Variants in TUSC3 observed in about 807,000 individuals in gnomAD.
TUSC3 encodes the protein tumor suppressor candidate 3, also known as dolichyl-diphosphooligosaccharide--protein glycosyltransferase subunit TUSC3.
Under a neutral mutation model 44.8 loss-of-function variants are expected in TUSC3, and 45 were observed. The ratio of observed to expected loss-of-function variants is 1.00; its 90% CI spans 0.79 to 1.29. TUSC3 has a LOEUF of 1.29. Among genes scored for constraint, TUSC3 ranks in the 50% most tolerant of loss-of-function variants. The pLI, the probability that TUSC3 is intolerant of heterozygous loss-of-function variation, is 0.00. For missense variants in TUSC3, 519 were observed against 437.9 expected (o/e 1.19, Z -1.65); for synonymous variants, 212 against 152.9 (o/e 1.39, Z -2.85).
At chr8:15,589,243 G>A (rs1317569977) in intron 1 of TUSC3, among the ~76,000 whole-genome samples, 1 of 152,114 alleles carries the variant, frequency 6.6e-6, no homozygotes, top group African/African-American at 2.4e-5. Context: ...CATACGTCCA[G>A]ATCTTGTGTT....
chr8:15,798,546 C>T, the TUSC3 span, among the ~76,000 whole-genome samples: 3 of 152,084 alleles, frequency 2.0e-5, no homozygotes, highest in Non-Finnish European at 4.4e-5. Flanking sequence ...TCTGTGTAAG[C>T]GACTTCACAT....
At chr8:15,575,494 G>A (rs912442840) in intron 1 of TUSC3, among the ~76,000 whole-genome samples, 2 of 152,128 alleles carry the variant, frequency 1.3e-5, no homozygotes, top group African/African-American at 4.8e-5. Context: ...GGCTGGGTAT[G>A]GTGGCTCACG....
intron 1 of TUSC3, among the ~76,000 whole-genome samples, chr8:15,473,137 C>G (rs1800518659): frequency 6.6e-6 from 1 of 152,136 alleles, no homozygotes; most frequent in South Asian, 2.1e-4. Flanking sequence ...ATAGTATGTG[C>G]TCAGCAAAAG....
At chr8:15,636,775 T>C (rs1014204687) in intron 2 of TUSC3, among the ~76,000 whole-genome samples, 1 of 152,230 alleles carries the variant, frequency 6.6e-6, no homozygotes, top group Middle Eastern at 3.2e-3. Context: ...GATTAACTTA[T>C]TTCAGTGCCT....
chr8:15,575,456 T>C (rs573289101), intron 1 of TUSC3, among the ~76,000 whole-genome samples: 28 of 152,278 alleles, frequency 1.8e-4, no homozygotes, highest in Middle Eastern at 3.4e-3. Context: ...GAGGATAATA[T>C]ATATTTTATT....
intron 2 of TUSC3, among the ~76,000 whole-genome samples, chr8:15,498,910 G>C (rs1158700658): frequency 2.6e-5 from 4 of 152,146 alleles, no homozygotes; most frequent in Non-Finnish European, 5.9e-5. Flanking sequence ...ATTACTTATA[G>C]TGTTCCTGTT....
intron 1 of TUSC3, among the ~76,000 whole-genome samples, chr8:15,445,945 C>T (rs377194110): frequency 1.4e-4 from 19 of 140,540 alleles, no homozygotes; most frequent in Admixed American, 7.8e-4. Context: ...GCTGGCCGGA[C>T]GGGGGCTGCC....
chr8:15,848,898 A>G, the TUSC3 span, among the ~76,000 whole-genome samples: 1 of 152,212 alleles, frequency 6.6e-6, no homozygotes, highest in Non-Finnish European at 1.5e-5. Flanking sequence ...CTAGTGCTTA[A>G]TCGCATAAAC....
chr8:15,741,977 A>T, intron 7 of TUSC3, among the ~76,000 whole-genome samples: 1 of 152,296 alleles, frequency 6.6e-6, no homozygotes, highest in African/African-American at 2.4e-5. Context: ...GTTATTAACA[A>T]TGTCCCATGT....
intron 2 of TUSC3, among the ~76,000 whole-genome samples, chr8:15,647,195 CATT>C (rs1475666117): frequency 6.6e-6 from 1 of 152,062 alleles, no homozygotes; most frequent in African/African-American, 2.4e-5. Flanking sequence ...ACAGCATTTA[CATT>C]ATTATTTCTG....
At chr8:15,508,434 G>A (rs113241034) in intron 2 of TUSC3, among the ~76,000 whole-genome samples, 5,108 of 147,976 alleles carry the variant, frequency 0.035, 292 homozygotes, top group African/African-American at 0.12. Flanking sequence ...GTAACTTTGA[G>A]GTAGTTTAGG....
At chr8:15,594,779 G>A (rs1483678674) in intron 1 of TUSC3, among the ~76,000 whole-genome samples, 3 of 152,172 alleles carry the variant, frequency 2.0e-5, no homozygotes, top group Non-Finnish European at 2.9e-5. Flanking sequence ...TGAGTTTGGT[G>A]AGATGGAATG....
intron 6 of TUSC3, among the ~76,000 whole-genome samples, chr8:15,720,168 A>C (rs1158724026): frequency 6.7e-6 from 1 of 150,180 alleles, no homozygotes; most frequent in African/African-American, 2.5e-5. Context: ...AGCAGAAGTG[A>C]TATATCATTG....
At chr8:15,674,085 C>T (rs1808076891) in intron 6 of TUSC3, among the ~76,000 whole-genome samples, 1 of 151,980 alleles carries the variant, frequency 6.6e-6, no homozygotes, top group Admixed American at 6.6e-5. Flanking sequence ...ATCAAATATA[C>T]ATGCATTCAC....
intron 2 of TUSC3, among the ~76,000 whole-genome samples, chr8:15,627,165 C>G (rs1451842238): frequency 6.6e-6 from 1 of 152,146 alleles, no homozygotes; most frequent in Non-Finnish European, 1.5e-5. Context: ...GAGAAGCTGC[C>G]CACCCCAGGG....
intron 6 of TUSC3, among the ~76,000 whole-genome samples, chr8:15,728,881 T>C (rs528180588): frequency 3.0e-4 from 46 of 152,106 alleles, no homozygotes; most frequent in African/African-American, 1.0e-3. Flanking sequence ...ATCCTCAAGA[T>C]TGGGGTCCTG....
the TUSC3 span, chr8:15,806,958 A>T: frequency 4.1e-6 from 6 of 1,467,586 alleles, no homozygotes; most frequent in South Asian, 2.3e-5. Flanking sequence ...TCTCGTGTTC[A>T]TCAATCTCCA....
chr8:15,714,171 A>C (rs1474543373), intron 6 of TUSC3, among the ~76,000 whole-genome samples: 1 of 152,286 alleles, frequency 6.6e-6, no homozygotes, highest in Middle Eastern at 3.4e-3. Context: ...GCATTATATA[A>C]CTTAAAATGC....
intron 6 of TUSC3, among the ~76,000 whole-genome samples, chr8:15,727,731 G>A (rs1280556105): frequency 2.6e-5 from 4 of 152,114 alleles, no homozygotes; most frequent in Admixed American, 6.5e-5. Context: ...ACAGCTTCTC[G>A]GCCTTTTGGC....
Sources: gnomAD v4.1 joint callset for allele counts (sites outside exome capture counted in the v4.1 genomes callset) on GRCh38, gnomAD v4.1.1 for gene constraint, MANE v1.5 for transcripts, NCBI Gene and HGNC (gene_info 2026-07-23, HGNC 2026-07-21) for gene names.